The following CHODL variants were observed in gnomAD, a reference collection of about 807,000 sequenced individuals.
The protein encoded by CHODL is transmembrane protein MT75.
CHODL carries 29 observed loss-of-function variants against 34.5 expected under a neutral mutation model. That is an observed-to-expected ratio of 0.84 (90% CI 0.63 to 1.15). The LOEUF is 1.15. Ranked by LOEUF, CHODL falls within the 50% of genes most tolerant of loss-of-function variation. The pLI is 0.00. For missense variants in CHODL, 332 were observed against 332.5 expected, an observed-to-expected ratio of 1.00 and a Z score of 0.01; for synonymous variants, 125 against 116.1, an observed-to-expected ratio of 1.08 and a Z score of -0.49.
intron 1 of CHODL, among the ~76,000 whole-genome samples, chr21:18,025,831 A>AGT (rs2064169694): frequency 6.6e-6 from 1 of 151,984 alleles, no homozygotes; most frequent in South Asian, 2.1e-4. Flanking sequence ...CCTCAGTCTC[A>AGT]GTGTGTGTGT....
intron 2 of CHODL, among the ~76,000 whole-genome samples, chr21:18,236,776 A>G (rs1026824931): frequency 2.0e-5 from 3 of 152,170 alleles, no homozygotes; most frequent in Admixed American, 2.0e-4. Flanking sequence ...CAAGTTTTCT[A>G]CTTATATTTA....
At chr21:18,134,021 A>G (rs1277236305) in intron 2 of CHODL, among the ~76,000 whole-genome samples, 1 of 152,150 alleles carries the variant, frequency 6.6e-6, no homozygotes, top group Non-Finnish European at 1.5e-5. Context: ...CTATCTATCT[A>G]GAGATATATC....
chr21:17,940,329 A>ATG (rs1325437770), intron 1 of CHODL, among the ~76,000 whole-genome samples: 1 of 152,254 alleles, frequency 6.6e-6, no homozygotes, highest in East Asian at 1.9e-4. Context: ...GAAGAAACAA[A>ATG]TGAATTGAGC....
rs1210073478 is a variant in CHODL at position 18,266,749 on chromosome 21, A to C, written c.*711A>C. 6.5e-6 allele frequency: 1 copy of C among 152,800 alleles called. No individual in the cohort carries two copies. The highest frequency in any genetic ancestry group is 2.4e-5 in the African/African-American group (1 of 41,472). 9.5% of individuals were successfully genotyped at this position (152,800 alleles called of 1,614,324 possible). A position where few individuals can be genotyped will look rare whatever the true frequency, so the allele number is the denominator to read the frequency against. Reference sequence around the variant, plus strand: ...TTGTCTAATTTCAATTGTGCAAGACATGTGCCTTATAATTATTTTTAGCTT... The same window carrying C: ...TTGTCTAATTTCAATTGTGCAAGACCTGTGCCTTATAATTATTTTTAGCTT... On this transcript the variant is annotated 3_prime_UTR_variant, in exon 6 of 6. Transcript: ENST00000299295.
At chr21:17,938,980 A>C (rs2063342312) in intron 1 of CHODL, among the ~76,000 whole-genome samples, 1 of 152,190 alleles carries the variant, frequency 6.6e-6, no homozygotes, top group African/African-American at 2.4e-5. Flanking sequence ...TCCCTACACT[A>C]TTCTGAAAAT....
At chr21:18,247,005 T>C (rs1018771604) in intron 1 of CHODL, among the ~76,000 whole-genome samples, 1 of 152,222 alleles carries the variant, frequency 6.6e-6, no homozygotes, top group African/African-American at 2.4e-5. Context: ...AGTTATGTTT[T>C]CCTTATGAAT....
At chr21:18,217,374 T>A (rs1459190156) in intron 2 of CHODL, among the ~76,000 whole-genome samples, 3 of 152,038 alleles carry the variant, frequency 2.0e-5, no homozygotes, top group South Asian at 4.2e-4. Flanking sequence ...AACAGATCCT[T>A]ACCCACATGA....
chr21:18,049,900 G>A (rs980059050), intron 2 of CHODL, among the ~76,000 whole-genome samples: 24 of 151,912 alleles, frequency 1.6e-4, no homozygotes, highest in Admixed American at 1.5e-3. Context: ...AATGTAATTT[G>A]TCCATCTGCC....
At chr21:17,978,921 G>A (rs1467360955) in intron 1 of CHODL, among the ~76,000 whole-genome samples, 3 of 151,950 alleles carry the variant, frequency 2.0e-5, no homozygotes, top group Admixed American at 2.0e-4. Flanking sequence ...GTTGCAATAG[G>A]CCCCTCTCTG....
intron 1 of CHODL, among the ~76,000 whole-genome samples, chr21:17,989,547 G>A (rs1222551053): frequency 6.6e-6 from 1 of 152,170 alleles, no homozygotes; most frequent in Admixed American, 6.5e-5. Context: ...CTGGCTGTCT[G>A]TAGCCTTTTC....
chr21:17,985,649 C>A (rs777718093), intron 1 of CHODL, among the ~76,000 whole-genome samples: 1 of 152,122 alleles, frequency 6.6e-6, no homozygotes, highest in African/African-American at 2.4e-5. Context: ...TCTCTTATGA[C>A]CTAAAATATA....
intron 2 of CHODL, among the ~76,000 whole-genome samples, chr21:18,102,390 T>A (rs1205555113): frequency 6.6e-6 from 1 of 152,208 alleles, no homozygotes; most frequent in Non-Finnish European, 1.5e-5. Context: ...TGGATTTTAA[T>A]TGTACAAGGT....
chr21:17,946,143 C>G, intron 1 of CHODL, among the ~76,000 whole-genome samples: 1 of 152,076 alleles, frequency 6.6e-6, no homozygotes, highest in East Asian at 1.9e-4. Context: ...CTAGGTTGGG[C>G]GCGGTGGCTC....
At chr21:17,993,233 T>G (rs1230503241) in intron 1 of CHODL, among the ~76,000 whole-genome samples, 1 of 152,220 alleles carries the variant, frequency 6.6e-6, no homozygotes, top group Non-Finnish European at 1.5e-5. Flanking sequence ...ATTTAAATTT[T>G]AAGTTCAGGG....
intron 1 of CHODL, among the ~76,000 whole-genome samples, chr21:18,251,386 T>TTTTTTTATTATAAAAATA (rs1568957244): frequency 1.7e-5 from 2 of 115,426 alleles, no homozygotes; most frequent in African/African-American, 8.1e-5. Flanking sequence ...TGTATTTTAT[T>TTTTTTTATTATAAAAATA]TGTTTTAATA....
Position 18,003,140 on chromosome 21 carries a change from A to AC in CHODL, c.-144-24732_-144-24731insC, listed in dbSNP as rs1000417080. 2.8e-4 allele frequency among the ~76,000 whole-genome samples: 23 copies of AC among 83,064 alleles called. No homozygotes were observed. In the Middle Eastern group the frequency reaches 0.034, roughly 124 times the overall value. The allele number at this position is 83,064 out of a possible 152,430, so 54.5% of individuals were successfully genotyped here. ...CCGTCTCAAAAAAAAAAAAAACAAAAAAAAAACCCAAGAGCCCTGGAGGCG... is the reference window on the plus strand; with the variant it reads ...CCGTCTCAAAAAAAAAAAAAACAAAACAAAAAACCCAAGAGCCCTGGAGGCG... On this transcript the variant is annotated intron_variant, in intron 1 of 6. Coordinates refer to the CHODL transcript ENST00000400127.
chr21:17,979,580 T>C (rs975005286), intron 1 of CHODL, among the ~76,000 whole-genome samples: 3 of 152,236 alleles, frequency 2.0e-5, no homozygotes, highest in African/African-American at 7.2e-5. Flanking sequence ...TTTGGATTAC[T>C]GTAGTGATTA....
intron 1 of CHODL, among the ~76,000 whole-genome samples, chr21:17,951,417 A>G (rs2063456513): frequency 6.6e-6 from 1 of 152,214 alleles, no homozygotes; most frequent in Non-Finnish European, 1.5e-5. Context: ...ATCAAACTTC[A>G]ATACTGAGAG....
At chr21:18,031,116 A>G (rs2064242566) in intron 2 of CHODL, among the ~76,000 whole-genome samples, 1 of 152,108 alleles carries the variant, frequency 6.6e-6, no homozygotes, top group African/African-American at 2.4e-5. Flanking sequence ...TGAAAACGGA[A>G]ACTCAGAATT....
Sources: gnomAD v4.1 joint callset for allele counts (sites outside exome capture counted in the v4.1 genomes callset) on GRCh38, gnomAD v4.1.1 for gene constraint, MANE v1.5 for transcripts, NCBI Gene and HGNC (gene_info 2026-07-23, HGNC 2026-07-21) for gene names.